Variants in EPB41L5 observed in about 807,000 individuals in gnomAD.
EPB41L5 encodes the protein erythrocyte membrane protein band 4.1 like 5.
EPB41L5 carries 55 observed loss-of-function variants against 106.6 expected under a neutral mutation model. The ratio of observed to expected loss-of-function variants is 0.52; its 90% CI spans 0.42 to 0.65. EPB41L5 has a LOEUF of 0.65. Ranked by LOEUF, EPB41L5 falls within the 30% of genes least tolerant of loss-of-function variation. The pLI is 0.00. For synonymous variants in EPB41L5, 297 were observed against 306.7 expected (o/e 0.97, Z 0.33); for missense variants, 871 against 882.1 (o/e 0.99, Z 0.16).
chr2:120,125,154 T>G (rs1163080146), intron 16 of EPB41L5, among the ~76,000 whole-genome samples: 1 of 152,224 alleles, frequency 6.6e-6, no homozygotes, highest in Non-Finnish European at 1.5e-5. Flanking sequence ...CAACTTTCCT[T>G]TTTTCTCCCA....
intron 1 of EPB41L5, among the ~76,000 whole-genome samples, chr2:120,017,048 T>C (rs1677574089): frequency 6.6e-6 from 1 of 152,242 alleles, no homozygotes; most frequent in African/African-American, 2.4e-5. Flanking sequence ...CATTTTAATA[T>C]GGTACTATCT....
intron 7 of EPB41L5, among the ~76,000 whole-genome samples, chr2:120,076,568 G>T (rs553510979): frequency 7.2e-6 from 1 of 138,114 alleles, no homozygotes; most frequent in Non-Finnish European, 1.5e-5. Context: ...CCAAAGTACT[G>T]TGACTATAAG....
At chr2:120,077,418 G>A (rs1414823141) in intron 9 of EPB41L5, 102 bp downstream of exon 9, 1 of 836,320 alleles carries the variant, frequency 1.2e-6, no homozygotes, top group East Asian at 2.6e-5. Context: ...GTTTGCATAA[G>A]CTAGCACTGG....
intron 21 of EPB41L5, among the ~76,000 whole-genome samples, chr2:120,161,388 AAAAAT>A (rs1276580101): frequency 6.6e-6 from 1 of 152,082 alleles, no homozygotes; most frequent in African/African-American, 2.4e-5. Flanking sequence ...AAAAAAAAAA[AAAAAT>A]GTGATAAAAG....
At chr2:120,046,719 C>G (rs1315695127) in intron 3 of EPB41L5, among the ~76,000 whole-genome samples, 1 of 152,130 alleles carries the variant, frequency 6.6e-6, no homozygotes, top group Non-Finnish European at 1.5e-5. Context: ...GTGTTTTAGA[C>G]ATGAAGTCCT....
chr2:120,017,324 C>T (rs1677591667), intron 1 of EPB41L5, among the ~76,000 whole-genome samples: 1 of 152,188 alleles, frequency 6.6e-6, no homozygotes, highest in Non-Finnish European at 1.5e-5. Context: ...TACCTCCTGT[C>T]TGTTGTGGTT....
At chr2:120,155,332 G>C (rs1686856319) in intron 20 of EPB41L5, among the ~76,000 whole-genome samples, 1 of 152,140 alleles carries the variant, frequency 6.6e-6, no homozygotes, top group Non-Finnish European at 1.5e-5. Flanking sequence ...TCATCCCATT[G>C]CCTTCTGGTC....
At position 120,090,428 on chromosome 2, in the gene EPB41L5, C is replaced by T. The variant is rs1370051162; in HGVS notation, c.955C>T (p.His319Tyr). 1 of 1,613,664 alleles carries T rather than the reference C, an allele frequency of 6.2e-7. No individual in the cohort carries two copies. The highest frequency in any genetic ancestry group is 2.2e-5 in the East Asian group (1 of 44,860). The part of the protein sequence containing the change: ...CKHLWKCAVE[H>Y]HAFFRLRGPV... ...ACATTTATGGAAATGTGCTGTGGAG[C>T]ATCATGCTTTCTTCCGCCTTCGAGG... The change falls in exon 12 of 25, where the codon CAT becomes TAT. Residue 319 changes from histidine to tyrosine, a missense_variant. His to Tyr is a moderately conservative substitution (Grantham distance 83, BLOSUM62 2). Coordinates refer to ENST00000263713, the MANE Select transcript of EPB41L5 (RefSeq NM_020909.4).
chr2:120,057,801 C>A (rs948811671), intron 3 of EPB41L5, among the ~76,000 whole-genome samples: 1 of 151,920 alleles, frequency 6.6e-6, no homozygotes, highest in Admixed American at 6.6e-5. Context: ...ATGACAGGAG[C>A]ACTGCCAATA....
At chr2:120,069,061 G>A (rs1681662321) in intron 3 of EPB41L5, among the ~76,000 whole-genome samples, 1 of 142,314 alleles carries the variant, frequency 7.0e-6, no homozygotes, top group African/African-American at 2.7e-5. Flanking sequence ...CCAGGATGCA[G>A]AGACTGAGGT....
intron 10 of EPB41L5, among the ~76,000 whole-genome samples, chr2:120,084,359 T>C (rs908043915): frequency 1.3e-5 from 2 of 152,174 alleles, no homozygotes; most frequent in African/African-American, 2.4e-5. Flanking sequence ...GTCTGTAAAC[T>C]ATTTTATTTC....
rs549464728 is a variant in EPB41L5 at position 120,139,060 on chromosome 2, T to G, written c.1600-3943T>G. 7.9e-5 allele frequency among the ~76,000 whole-genome samples: 12 copies of G among 152,088 alleles called. No homozygotes were observed. In the East Asian group the frequency reaches 2.3e-3, roughly 29 times the overall value. On this transcript the variant is annotated intron_variant, in intron 18 of 24. Transcript: ENST00000263713. Reference sequence around the variant, plus strand: ...GCAGTGAGCTTACTTTTGACAAAGGTGCCAAGAACATACACTGGGGAAAGG... The same window carrying G: ...GCAGTGAGCTTACTTTTGACAAAGGGGCCAAGAACATACACTGGGGAAAGG...
At position 120,146,332 on chromosome 2, in the gene EPB41L5, A is replaced by G. The variant is rs1216745920; in HGVS notation, c.1793+43A>G. On this transcript the variant is annotated intron_variant, in intron 20 of 24. Coordinates refer to ENST00000263713, the MANE Select transcript of EPB41L5 (RefSeq NM_020909.4). Reference sequence around the variant, plus strand: ...CTGAATTAAATTGATGTTCTTATCTATCTTTGTCTTTTTTTTCTTCTCAGT... The same window carrying G: ...CTGAATTAAATTGATGTTCTTATCTGTCTTTGTCTTTTTTTTCTTCTCAGT... 4.0e-5 allele frequency: 57 copies of G among 1,434,262 alleles called. No individual in the cohort carries two copies. In the Admixed American group the frequency reaches 4.8e-4, roughly 12 times the overall value. 88.8% of individuals were successfully genotyped at this position (1,434,262 alleles called of 1,614,324 possible). A position where few individuals can be genotyped will look rare whatever the true frequency, so the allele number is the denominator to read the frequency against.
At chr2:120,150,259 T>C (rs185592513) in intron 20 of EPB41L5, among the ~76,000 whole-genome samples, 32 of 152,190 alleles carry the variant, frequency 2.1e-4, no homozygotes, top group African/African-American at 7.7e-4. Context: ...TTTCATGTGT[T>C]TGTTGGCCAT....
At position 120,176,164 on chromosome 2, in the gene EPB41L5, A is replaced by G. The variant is rs1306453000; in HGVS notation, c.*1257A>G. 3 of 152,672 alleles carry G rather than the reference A, an allele frequency of 2.0e-5. No homozygotes were observed. The highest frequency in any genetic ancestry group is 4.4e-5 in the Non-Finnish European group (3 of 68,050). 9.5% of individuals were successfully genotyped at this position (152,672 alleles called of 1,614,324 possible). On this transcript the variant is annotated 3_prime_UTR_variant, in exon 25 of 25. Coordinates refer to ENST00000263713, the MANE Select transcript of EPB41L5 (RefSeq NM_020909.4). ...CCCAGAAATAACGCTATTTAGCTTT[A>G]TAATTTTCGAATGAACAAGGTAAAC...
At chr2:120,138,789 A>G (rs975070640) in intron 18 of EPB41L5, among the ~76,000 whole-genome samples, 3 of 152,048 alleles carry the variant, frequency 2.0e-5, no homozygotes, top group Admixed American at 1.3e-4. Flanking sequence ...TTTAATCCCT[A>G]TCAAAATACC....
intron 16 of EPB41L5, among the ~76,000 whole-genome samples, chr2:120,127,124 T>G (rs937880157): frequency 6.6e-6 from 1 of 152,194 alleles, no homozygotes; most frequent in African/African-American, 2.4e-5. Flanking sequence ...TTTGTGGAAC[T>G]TATTTATTTA....
intron 16 of EPB41L5, among the ~76,000 whole-genome samples, chr2:120,116,248 A>G (rs1428658968): frequency 6.6e-6 from 1 of 152,194 alleles, no homozygotes; most frequent in Non-Finnish European, 1.5e-5. Context: ...CTCTTACAGA[A>G]TATGTCTCTG....
intron 3 of EPB41L5, among the ~76,000 whole-genome samples, chr2:120,047,837 C>G (rs1679914379): frequency 6.6e-6 from 1 of 152,142 alleles, no homozygotes; most frequent in South Asian, 2.1e-4. Flanking sequence ...ATACTTTCAT[C>G]AATACCTAGT....
Sources: gnomAD v4.1 joint callset for allele counts (sites outside exome capture counted in the v4.1 genomes callset) on GRCh38, gnomAD v4.1.1 for gene constraint, MANE v1.5 for transcripts, NCBI Gene and HGNC (gene_info 2026-07-23, HGNC 2026-07-21) for gene names.